EYA4: variants seen among roughly 807,000 people sequenced by gnomAD.
EYA4 encodes protein phosphatase EYA4.
A neutral mutation model predicts 87.9 loss-of-function variants in EYA4; 31 were observed. The ratio of observed to expected loss-of-function variants is 0.35; its 90% CI spans 0.27 to 0.48. EYA4 has a LOEUF of 0.48. Ranked by LOEUF, EYA4 falls within the 20% of genes least tolerant of loss-of-function variation. The pLI is 0.99. For missense variants in EYA4, 678 were observed against 761.4 expected, an observed-to-expected ratio of 0.89 and a Z score of 1.29; for synonymous variants, 263 against 270.6, an observed-to-expected ratio of 0.97 and a Z score of 0.28.
At chr6:133,383,755 T>C (rs1461657010) in intron 3 of EYA4, among the ~76,000 whole-genome samples, 1 of 152,136 alleles carries the variant, frequency 6.6e-6, no homozygotes, top group Non-Finnish European at 1.5e-5. Flanking sequence ...ATCTTTGATC[T>C]TTGTTCTGTG....
chr6:133,329,442 AC>A (rs1255197555), intron 2 of EYA4, among the ~76,000 whole-genome samples: 3 of 152,120 alleles, frequency 2.0e-5, no homozygotes, highest in Non-Finnish European at 4.4e-5. Flanking sequence ...AAATCAAATG[AC>A]AATTTTTGTT....
intron 2 of EYA4, among the ~76,000 whole-genome samples, chr6:133,347,708 A>G (rs73559615): frequency 0.11 from 17,029 of 152,164 alleles, 980 homozygotes; most frequent in East Asian, 0.16. Context: ...TGTTATGCCT[A>G]TTTTAGAGAT....
chr6:133,365,207 C>T (rs1784766287), intron 2 of EYA4, among the ~76,000 whole-genome samples: 1 of 152,140 alleles, frequency 6.6e-6, no homozygotes, highest in African/African-American at 2.4e-5. Context: ...GCTCACCAAG[C>T]GCCCCCAAAC....
At chr6:133,420,419 C>T (rs1249145124) in intron 3 of EYA4, among the ~76,000 whole-genome samples, 2 of 152,194 alleles carry the variant, frequency 1.3e-5, no homozygotes, top group Non-Finnish European at 2.9e-5. Context: ...TCGTCTCAAA[C>T]ATACATTATT....
chr6:133,525,318 G>T, intron 19 of EYA4, 64 bp downstream of exon 19: 1 of 1,397,586 alleles, frequency 7.2e-7, no homozygotes, highest in Non-Finnish European at 1.0e-6. Flanking sequence ...TTGCATTTCT[G>T]TAGTTTGGCC....
chr6:133,253,177 C>T (rs1048329121), intron 1 of EYA4, among the ~76,000 whole-genome samples: 4 of 151,524 alleles, frequency 2.6e-5, no homozygotes, highest in South Asian at 2.1e-4. Flanking sequence ...AACCCAATGA[C>T]AGGTGGAGGC....
At position 133,529,455 on chromosome 6, in the gene EYA4, G is replaced by C. The variant is rs1404965251; in HGVS notation, c.*650G>C. The C allele has an allele frequency of 2.0e-6, 2 of 985,204 alleles. No homozygotes were observed. Among genetic ancestry groups the C allele is most frequent in the East Asian group, 2.3e-4 (2 of 8,770 alleles). The allele number at this position is 985,204 out of a possible 1,614,324, so 61.0% of individuals were successfully genotyped here. A position where few individuals can be genotyped will look rare whatever the true frequency, so the allele number is the denominator to read the frequency against. ...AACAGAATGTTCATACTGATGTGTT[G>C]TGCCTTAAAGACAAGACAGCATTTG... On this transcript the variant is annotated 3_prime_UTR_variant, in exon 20 of 20. Coordinates refer to ENST00000355286, the MANE Select transcript of EYA4 (RefSeq NM_004100.5).
At chr6:133,388,580 C>T (rs1026239912) in intron 3 of EYA4, among the ~76,000 whole-genome samples, 5 of 152,028 alleles carry the variant, frequency 3.3e-5, no homozygotes, top group African/African-American at 9.7e-5. Context: ...CTGCACTTCC[C>T]CTGTAGAGTT....
At chr6:133,248,982 C>T (rs1048226260) in intron 1 of EYA4, 1 of 151,396 alleles carries the variant, frequency 6.6e-6, no homozygotes, top group African/African-American at 2.4e-5. Context: ...TAGTTTTTTC[C>T]CTTAATTGTT....
intron 13 of EYA4, among the ~76,000 whole-genome samples, chr6:133,483,560 GACTTGAGTACACATATGAACAGCA>G (rs1796415035): frequency 1.3e-5 from 2 of 151,756 alleles, no homozygotes; most frequent in Admixed American, 6.6e-5. Flanking sequence ...TTTTTTCTGT[GACTTGAGTACACATATGAACAGCA>G]ACCGAGGTAA....
chr6:133,325,280 T>C (rs1430312498), intron 2 of EYA4: 1 of 152,182 alleles, frequency 6.6e-6, no homozygotes, highest in African/African-American at 2.4e-5. Flanking sequence ...GTGTCCATTG[T>C]GGCAGCCACA....
rs577189729 is a variant in EYA4, at chr6:133,463,550, G to A, written c.724+786G>A. Among the ~76,000 whole-genome samples the A allele has an allele frequency of 5.9e-5, 9 of 151,766 alleles. No individual in the cohort carries two copies. The East Asian group carries it at 7.8e-4, about 13-fold the overall frequency. Reference sequence around the variant, plus strand: ...TAATTTTTGTATTTTTAGTAGTGACGGGGTTTCACCATGTTGATCAGGCTG... The same window carrying A: ...TAATTTTTGTATTTTTAGTAGTGACAGGGTTTCACCATGTTGATCAGGCTG... On this transcript the variant is annotated intron_variant, in intron 9 of 19. Coordinates refer to ENST00000355286, the MANE Select transcript of EYA4 (RefSeq NM_004100.5).
chr6:133,277,313 T>A (rs1777258219), intron 2 of EYA4, among the ~76,000 whole-genome samples: 1 of 152,208 alleles, frequency 6.6e-6, no homozygotes, highest in Non-Finnish European at 1.5e-5. Context: ...AAACAGCTGT[T>A]AAGTAGTAGA....
chr6:133,457,106 A>G (rs1328127755), intron 6 of EYA4, among the ~76,000 whole-genome samples: 1 of 152,130 alleles, frequency 6.6e-6, no homozygotes, highest in Non-Finnish European at 1.5e-5. Context: ...CTGTGTAAGC[A>G]GCTGAGTGAC....
intron 2 of EYA4, among the ~76,000 whole-genome samples, chr6:133,303,880 C>T (rs1328622201): frequency 6.6e-6 from 1 of 150,956 alleles, no homozygotes; most frequent in African/African-American, 2.4e-5. Flanking sequence ...ATTTCTGTGG[C>T]ACTAAATTTA....
At chr6:133,400,951 G>A (rs1175549559) in intron 3 of EYA4, among the ~76,000 whole-genome samples, 1 of 152,126 alleles carries the variant, frequency 6.6e-6, no homozygotes, top group African/African-American at 2.4e-5. Flanking sequence ...ACAGCTCAAG[G>A]TTTCCTATTT....
chr6:133,391,117 C>T (rs1282326081), intron 3 of EYA4, among the ~76,000 whole-genome samples: 3 of 151,920 alleles, frequency 2.0e-5, no homozygotes, highest in South Asian at 2.1e-4. Context: ...GTTTAGCTTG[C>T]TAGTTGTTTT....
chr6:133,483,703 T>TA (rs1491014573), intron 13 of EYA4, among the ~76,000 whole-genome samples: 27 of 93,384 alleles, frequency 2.9e-4, no homozygotes, highest in African/African-American at 1.3e-3. Context: ...TCATTGTTAT[T>TA]ATTATTATTA....
rs1029863250 is a variant in EYA4, at chr6:133,487,935, G to A, written c.1191+4820G>A. 4.6e-5 allele frequency among the ~76,000 whole-genome samples: 7 copies of A among 152,240 alleles called. No individual in the cohort carries two copies. In the South Asian group the frequency reaches 1.2e-3, roughly 27 times the overall value. ...ATAGGGCACCAAGTCGGCATGTGGG[G>A]TCCCTGATTCCAGGCCATGGCTCTT... On this transcript the variant is annotated intron_variant, in intron 13 of 19. Coordinates refer to ENST00000355286, the MANE Select transcript of EYA4 (RefSeq NM_004100.5).
Sources: allele counts gnomAD v4.1 joint callset (sites outside exome capture counted in the v4.1 genomes callset), GRCh38; gene constraint gnomAD v4.1.1; transcripts MANE v1.5; gene names NCBI Gene and HGNC (gene_info 2026-07-23, HGNC 2026-07-21).